SLC35B4: variants seen among roughly 807,000 people sequenced by gnomAD.
SLC35B4 encodes the protein nucleotide sugar transporter SLC35B4.
Under a neutral mutation model 39.5 loss-of-function variants are expected in SLC35B4, and 28 were observed. That is an observed-to-expected ratio of 0.71 (90% confidence interval 0.53 to 0.97). The LOEUF (loss-of-function observed/expected upper bound fraction) is 0.97. Ranked by LOEUF, SLC35B4 falls within the 50% of genes least tolerant of loss-of-function variation. The pLI, the probability that SLC35B4 is intolerant of heterozygous loss-of-function variation, is 0.00. For missense variants in SLC35B4, 334 were observed against 414.3 expected, an observed-to-expected ratio of 0.81 and a Z score of 1.68; for synonymous variants, 145 against 150.4, an observed-to-expected ratio of 0.96 and a Z score of 0.26.
At chr7:134,303,222 TTAGA>T (rs1803630352) in intron 4 of SLC35B4, among the ~76,000 whole-genome samples, 1 of 152,088 alleles carries the variant, frequency 6.6e-6, no homozygotes, top group Admixed American at 6.6e-5. Flanking sequence ...GTCAAAAGGC[TTAGA>T]TAGATGCAAG....
At position 134,300,236 on chromosome 7, in the gene SLC35B4, A is replaced by G. The variant is rs925078717; in HGVS notation, c.513T>C (p.Leu171=). 6.2e-7 allele frequency: 1 copy of G among 1,612,048 alleles called. No homozygotes were observed. ...LLGIGALTFA[L]LMSARMGIFQ... is the part of the protein sequence containing the mutation. ...ATATCCCCATCCTTGCTGACATCAG[A>G]AGAGCAAAAGTCAATGCCCCAATAC... The change falls in exon 7 of 10, where the codon CTT becomes CTC. Residue 171 remains leucine, a synonymous_variant. Transcript: ENST00000378509.
chr7:134,310,304 C>T (rs1228967066), intron 1 of SLC35B4, among the ~76,000 whole-genome samples: 2 of 152,150 alleles, frequency 1.3e-5, no homozygotes, highest in African/African-American at 4.8e-5. Context: ...GAAGATTCCC[C>T]ACATTCAACA....
intron 9 of SLC35B4, 126 bp from the exon 10 acceptor site, chr7:134,295,205 GCT>G: frequency 8.2e-7 from 1 of 1,212,520 alleles, no homozygotes; most frequent in Non-Finnish European, 1.1e-6. Flanking sequence ...CGCTACGGCA[GCT>G]CTGAGGCTCC....
In SLC35B4 at chr7:134,294,787, G is replaced by T; in HGVS notation, c.*46C>A. ...CGAAACGGTGGTCAGACCTTCACAG[G>T]GTCCCACCCTCACGACGACACTGGT... is the stretch of plus-strand genomic sequence containing the variant. On this transcript the variant is annotated 3_prime_UTR_variant, in exon 10 of 10. Coordinates refer to ENST00000378509, the MANE Select transcript of SLC35B4 (RefSeq NM_032826.5). The T allele has an allele frequency of 6.2e-7, 1 of 1,600,396 alleles. No individual in the cohort carries two copies.
At chr7:134,316,552 C>CT (rs1803983064) in intron 1 of SLC35B4, 123 bp downstream of exon 1, 1 of 1,016,412 alleles carries the variant, frequency 9.8e-7, no homozygotes, top group African/African-American at 1.6e-5. Flanking sequence ...TCAGGCCGTC[C>CT]TGCCCCGGGC....
chr7:134,306,171 A>T (rs1803705060), intron 3 of SLC35B4, among the ~76,000 whole-genome samples: 2 of 151,994 alleles, frequency 1.3e-5, no homozygotes, highest in African/African-American at 4.8e-5. Flanking sequence ...TTATCACCAC[A>T]ATTATCAGCC....
At chr7:134,300,949 C>T (rs1292571838) in intron 6 of SLC35B4, among the ~76,000 whole-genome samples, 2 of 152,104 alleles carry the variant, frequency 1.3e-5, no homozygotes, top group South Asian at 2.1e-4. Context: ...TCTCTGATTA[C>T]TAGACTAGTG....
intron 1 of SLC35B4, among the ~76,000 whole-genome samples, chr7:134,315,912 A>T (rs1803961183): frequency 6.6e-6 from 1 of 151,896 alleles, no homozygotes; most frequent in South Asian, 2.1e-4. Context: ...CTTCTGTTAT[A>T]GCTTCTATCC....
At chr7:134,299,427 T>C (rs982482544) in intron 8 of SLC35B4, 96 bp downstream of exon 8, 1 of 931,200 alleles carries the variant, frequency 1.1e-6, no homozygotes, top group East Asian at 2.5e-5. Flanking sequence ...ATGATTTGAA[T>C]AGGATTATGA....
chr7:134,311,066 GCTTA>G (rs1215154211), intron 1 of SLC35B4, among the ~76,000 whole-genome samples: 10 of 152,262 alleles, frequency 6.6e-5, no homozygotes, highest in Admixed American at 1.3e-4. Context: ...ACAGAACTAG[GCTTA>G]CTAACTGAAA....
intron 8 of SLC35B4, among the ~76,000 whole-genome samples, chr7:134,297,239 A>G (rs192619820): frequency 2.1e-4 from 32 of 152,330 alleles, no homozygotes; most frequent in African/African-American, 6.3e-4. Context: ...ATGTATAAAT[A>G]ATATCTTAAT....
chr7:134,301,064 G>T (rs1803569198), intron 6 of SLC35B4, among the ~76,000 whole-genome samples: 1 of 152,036 alleles, frequency 6.6e-6, no homozygotes. Flanking sequence ...AGCACATAAG[G>T]ATCTTTCTAT....
intron 6 of SLC35B4, among the ~76,000 whole-genome samples, chr7:134,301,526 G>T (rs1455763718): frequency 6.6e-6 from 1 of 152,142 alleles, no homozygotes; most frequent in Non-Finnish European, 1.5e-5. Flanking sequence ...TACACCAGTG[G>T]CAACCAAGAA....
rs1803419580 is a variant in SLC35B4, at chr7:134,294,780, T to A, written c.*53A>T. 6.3e-7 allele frequency: 1 copy of A among 1,596,622 alleles called. No individual in the cohort carries two copies. The highest frequency in any genetic ancestry group is 1.3e-5 in the African/African-American group (1 of 74,428). ...ACAAAAGCGAAACGGTGGTCAGACC[T>A]TCACAGGGTCCCACCCTCACGACGA... On this transcript the variant is annotated 3_prime_UTR_variant, in exon 10 of 10. Transcript: ENST00000378509.
At chr7:134,320,178 C>T (rs542341399), upstream of SLC35B4, among the ~76,000 whole-genome samples, 8 of 152,276 alleles carry the variant, frequency 5.3e-5, no homozygotes, top group African/African-American at 1.4e-4. Flanking sequence ...GCTGACTGTG[C>T]CCAGCACACA....
Position 134,315,469 on chromosome 7 carries a change from T to G in SLC35B4, c.77+1206A>C, listed in dbSNP as rs74743560. Reference sequence around the variant, plus strand: ...ACCTGACACCTTTGCTTTCTGATAGTTCAACGTATACAAACTTTAATTCAT... The same window carrying G: ...ACCTGACACCTTTGCTTTCTGATAGGTCAACGTATACAAACTTTAATTCAT... On this transcript the variant is annotated intron_variant, in intron 1 of 9. Coordinates refer to ENST00000378509, the MANE Select transcript of SLC35B4 (RefSeq NM_032826.5). 9.4e-3 allele frequency among the ~76,000 whole-genome samples: 1,435 copies of G among 152,214 alleles called. 17 individuals carry two copies. Among genetic ancestry groups the G allele is most frequent in the Non-Finnish European group, 0.015 (1,036 of 68,020 alleles).
Position 134,289,846 on chromosome 7 carries a change from T to C in SLC35B4, c.*4987A>G, listed in dbSNP as rs546121426. On this transcript the variant is annotated 3_prime_UTR_variant, in exon 10 of 10. Transcript: ENST00000378509. ...ACTTCTTTCTTAGAAAGTATCAGTA[T>C]TTCTGCTTTTCTTTTTTCACGTATC... 2.0e-5 allele frequency: 3 copies of C among 152,268 alleles called. No individual in the cohort carries two copies. Among genetic ancestry groups the C allele is most frequent in the East Asian group, 3.9e-4 (2 of 5,182 alleles). The allele number at this position is 152,268 out of a possible 1,614,324, so 9.4% of individuals were successfully genotyped here.
rs1339870445 is a variant in SLC35B4 at position 134,310,471 on chromosome 7, T to TCTCCTGAACAA, written c.78-993_78-992insTTGTTCAGGAG. Among the ~76,000 whole-genome samples, 3 of 152,332 alleles carry TCTCCTGAACAA rather than the reference T, an allele frequency of 2.0e-5. No homozygotes were observed. The East Asian group carries it at 5.8e-4, about 29-fold the overall frequency. ...CTGGAAGAAGAACAAAGTGAGCAGT[T>TCTCCTGAACAA]ATCTTTGCTCTCCTGAAGCTTCCAG... On this transcript the variant is annotated intron_variant, in intron 1 of 9. Transcript: ENST00000378509.
intron 2 of SLC35B4, 99 bp from the exon 3 acceptor site, chr7:134,306,873 G>T: frequency 1.1e-6 from 1 of 897,830 alleles, no homozygotes; most frequent in Non-Finnish European, 1.7e-6. Context: ...CATTTTGCCT[G>T]TTTCCTCTGC....
Sources: gnomAD v4.1 joint callset for allele counts (sites outside exome capture counted in the v4.1 genomes callset) on GRCh38, gnomAD v4.1.1 for gene constraint, MANE v1.5 for transcripts, NCBI Gene and HGNC (gene_info 2026-07-23, HGNC 2026-07-21) for gene names.